Variants in ARB2A observed in about 807,000 individuals in gnomAD.
The protein encoded by ARB2A is cotranscriptional regulator ARB2A.
chr5:93,946,554 T>C, the ARB2A span, among the ~76,000 whole-genome samples: 1 of 152,202 alleles, frequency 6.6e-6, no homozygotes, highest in Non-Finnish European at 1.5e-5. Context: ...AGTAGTACTG[T>C]AAAGCTTGAT....
chr5:93,864,396 A>G, the ARB2A span, among the ~76,000 whole-genome samples: 1 of 152,166 alleles, frequency 6.6e-6, no homozygotes, highest in African/African-American at 2.4e-5. Flanking sequence ...ATGTTTGATT[A>G]GCTTCATTTG....
chr5:93,818,306 G>A, the ARB2A span, among the ~76,000 whole-genome samples: 5 of 152,084 alleles, frequency 3.3e-5, no homozygotes, highest in Non-Finnish European at 5.9e-5. Flanking sequence ...TGATAAAAAT[G>A]TTGTAAAATT....
chr5:93,667,503 T>G, the ARB2A span, among the ~76,000 whole-genome samples: 1 of 152,200 alleles, frequency 6.6e-6, no homozygotes, highest in Non-Finnish European at 1.5e-5. Flanking sequence ...TTGCCTAGGC[T>G]GGAGAGCAGA....
At chr5:93,676,854 T>A in the ARB2A span, among the ~76,000 whole-genome samples, 1 of 152,168 alleles carries the variant, frequency 6.6e-6, no homozygotes, top group African/African-American at 2.4e-5. Flanking sequence ...GGGCCTCACA[T>A]TTTTGGTGCT....
chr5:93,772,596 A>G, the ARB2A span, among the ~76,000 whole-genome samples: 12 of 152,218 alleles, frequency 7.9e-5, no homozygotes, highest in Admixed American at 7.9e-4. Context: ...TGTGGGTCAG[A>G]AATCTGAACA....
At chr5:94,105,878 G>A in the ARB2A span, among the ~76,000 whole-genome samples, 5 of 151,748 alleles carry the variant, frequency 3.3e-5, no homozygotes, top group African/African-American at 1.2e-4. Context: ...AATAAGTAAT[G>A]GGAAAAGGAC....
At chr5:94,087,735 C>CA in the ARB2A span, among the ~76,000 whole-genome samples, 1 of 152,160 alleles carries the variant, frequency 6.6e-6, no homozygotes, top group African/African-American at 2.4e-5. Context: ...AAAAATATTT[C>CA]ATGCTATATT....
At chr5:93,954,874 T>C in the ARB2A span, among the ~76,000 whole-genome samples, 2 of 152,110 alleles carry the variant, frequency 1.3e-5, no homozygotes, top group South Asian at 4.1e-4. Context: ...CTAGTCTAAA[T>C]GCTCCCTCCA....
the ARB2A span, among the ~76,000 whole-genome samples, chr5:93,813,166 A>G: frequency 1.3e-5 from 2 of 152,214 alleles, no homozygotes; most frequent in Admixed American, 1.3e-4. Flanking sequence ...TATCATTGGT[A>G]GACATATGTA....
At chr5:93,846,435 C>T in the ARB2A span, among the ~76,000 whole-genome samples, 6 of 151,774 alleles carry the variant, frequency 4.0e-5, no homozygotes, top group South Asian at 2.1e-4. Context: ...CCAGGAATTC[C>T]AGGCTGCAGA....
the ARB2A span, among the ~76,000 whole-genome samples, chr5:93,794,360 T>C: frequency 6.6e-6 from 1 of 152,156 alleles, no homozygotes; most frequent in South Asian, 2.1e-4. Flanking sequence ...AAATTGAACT[T>C]CACCTTTCTC....
the ARB2A span, among the ~76,000 whole-genome samples, chr5:93,672,289 G>A: frequency 6.6e-6 from 1 of 151,892 alleles, no homozygotes; most frequent in Non-Finnish European, 1.5e-5. Context: ...AGTAGTGATA[G>A]AAATGTTGCT....
the ARB2A span, among the ~76,000 whole-genome samples, chr5:93,867,635 C>T: frequency 3.9e-5 from 6 of 152,142 alleles, no homozygotes; most frequent in Admixed American, 2.0e-4. Context: ...TCAGGATGGA[C>T]TCGATCTCTT....
At chr5:94,025,099 G>A in the ARB2A span, among the ~76,000 whole-genome samples, 334 of 152,330 alleles carry the variant, frequency 2.2e-3, 2 homozygotes, top group African/African-American at 7.2e-3. Context: ...CAGTGTTAAG[G>A]TTCAGAAAGA....
chr5:93,710,402 T>G, the ARB2A span, among the ~76,000 whole-genome samples: 1 of 152,208 alleles, frequency 6.6e-6, no homozygotes, highest in East Asian at 1.9e-4. Context: ...TTCCAACTCC[T>G]GCCCTTCTGC....
At chr5:93,771,425 C>CA in the ARB2A span, among the ~76,000 whole-genome samples, 61 of 151,216 alleles carry the variant, frequency 4.0e-4, no homozygotes, top group South Asian at 5.9e-3. Flanking sequence ...ACACCAAAAG[C>CA]AATGGCAACA....
chr5:94,003,839 A>G, the ARB2A span, among the ~76,000 whole-genome samples: 1 of 152,164 alleles, frequency 6.6e-6, no homozygotes, highest in Non-Finnish European at 1.5e-5. Context: ...GTAGATATAG[A>G]TGATTATTTT....
At chr5:93,961,279 G>A in the ARB2A span, among the ~76,000 whole-genome samples, 1 of 152,032 alleles carries the variant, frequency 6.6e-6, no homozygotes, top group Non-Finnish European at 1.5e-5. Context: ...ATTCCAGTAG[G>A]TGCTGATCAC....
the ARB2A span, chr5:93,804,838 A>C: frequency 1.4e-6 from 1 of 707,448 alleles, no homozygotes; most frequent in Non-Finnish European, 1.7e-6. Flanking sequence ...TTTTTTGATT[A>C]TTTTGAAAAA....
Sources: allele counts gnomAD v4.1 joint callset (sites outside exome capture counted in the v4.1 genomes callset), GRCh38; gene constraint gnomAD v4.1.1; transcripts MANE v1.5; gene names NCBI Gene and HGNC (gene_info 2026-07-23, HGNC 2026-07-21).